The following LEPR variants were observed in gnomAD, a reference collection of about 807,000 sequenced individuals.
The protein encoded by LEPR is OB receptor.
In LEPR, 56 loss-of-function variants were observed where a neutral mutation model predicts 114.7. That is an observed-to-expected ratio of 0.49 (90% CI 0.39 to 0.61). The LOEUF (loss-of-function observed/expected upper bound fraction) is 0.61. Ranked by LOEUF, LEPR falls within the 20% of genes least tolerant of loss-of-function variation. The pLI is 0.00. For missense variants in LEPR, 1,202 were observed against 1,352.9 expected, an observed-to-expected ratio of 0.89 and a Z score of 1.75; for synonymous variants, 443 against 461.4, an observed-to-expected ratio of 0.96 and a Z score of 0.51.
In LEPR at chr1:65,488,107, CTCTT is replaced by C. The variant is rs1202835041; in HGVS notation, c.-21+62748_-21+62751del. Among the ~76,000 whole-genome samples, 1,043 of 121,514 alleles carry C rather than the reference CTCTT, an allele frequency of 8.6e-3. 24 individuals are homozygous for C. The highest frequency in any genetic ancestry group is 0.029 in the African/African-American group (820 of 27,892). 79.7% of individuals were successfully genotyped at this position (121,514 alleles called of 152,430 possible). A position where few individuals can be genotyped will look rare whatever the true frequency, so the allele number is the denominator to read the frequency against. On this transcript the variant is annotated intron_variant, in intron 2 of 19. Transcript: ENST00000349533. ...TCTTCCTTTCTTTCCTTCTTTCTTT[CTCTT>C]TCTTTCTTTCTTTCTTTCCCTCCCT...
intron 2 of LEPR, chr1:65,435,275 T>C: frequency 1.0e-6 from 1 of 985,100 alleles, no homozygotes. Flanking sequence ...GAATACTGTT[T>C]TCAAGGCTGA....
chr1:65,571,749 T>C, intron 4 of LEPR, among the ~76,000 whole-genome samples: 1 of 133,968 alleles, frequency 7.5e-6, no homozygotes, highest in Non-Finnish European at 1.5e-5. Flanking sequence ...AGCTCAGGAG[T>C]TAGAGACCAG....
At chr1:65,451,378 C>T (rs1343500342) in intron 2 of LEPR, among the ~76,000 whole-genome samples, 2 of 151,944 alleles carry the variant, frequency 1.3e-5, no homozygotes, top group Admixed American at 1.3e-4. Flanking sequence ...ATGGTAATGC[C>T]TAGGTTTTCT....
rs1023325187 is a variant in LEPR, at chr1:65,435,017, A to G, written c.-21+9639A>G. ...GACTGCTGCACCTGCGTTTTTAGAG[A>G]ATGCCTCATAACCCACTGATTCTCA... On this transcript the variant is annotated intron_variant, in intron 2 of 19. Coordinates refer to ENST00000349533, the MANE Select transcript of LEPR (RefSeq NM_002303.6). The G allele has an allele frequency of 4.8e-5, 47 of 985,334 alleles. 1 individual carries two copies. The African/African-American group carries it at 7.7e-4, about 16-fold the overall frequency. 61.0% of individuals were successfully genotyped at this position (985,334 alleles called of 1,614,324 possible).
At chr1:65,525,686 C>T in intron 2 of LEPR, 2 of 985,608 alleles carry the variant, frequency 2.0e-6, no homozygotes, top group Non-Finnish European at 2.4e-6. Flanking sequence ...AGAGTTGCCC[C>T]GCACCTTGGG....
At chr1:65,498,125 A>G (rs1430111323) in intron 2 of LEPR, among the ~76,000 whole-genome samples, 3 of 152,098 alleles carry the variant, frequency 2.0e-5, no homozygotes, top group Non-Finnish European at 4.4e-5. Context: ...TTACTTTTTG[A>G]TGAGTTCAGC....
At chr1:65,472,613 TAG>T (rs1442093241) in intron 2 of LEPR, among the ~76,000 whole-genome samples, 45 of 93,550 alleles carry the variant, frequency 4.8e-4, no homozygotes, top group Middle Eastern at 6.7e-3. Context: ...TGTATATATA[TAG>T]ACACACACAC....
In LEPR at chr1:65,427,292, G is replaced by T. The variant is rs758187254; in HGVS notation, c.-21+1914G>T. ...AGATTGAACAGCAGTAAGTGACAGA[G>T]CCCGGCCGTGGTGGCTCATGCCTAT... On this transcript the variant is annotated intron_variant, in intron 2 of 19. Transcript: ENST00000349533. Among the ~76,000 whole-genome samples the T allele has an allele frequency of 5.1e-4, 78 of 152,102 alleles. 1 individual carries two copies. The highest frequency in any genetic ancestry group is 1.6e-4 in the Non-Finnish European group (11 of 68,006).
At chr1:65,429,354 G>A (rs1646442178) in intron 2 of LEPR, among the ~76,000 whole-genome samples, 1 of 152,160 alleles carries the variant, frequency 6.6e-6, no homozygotes, top group Non-Finnish European at 1.5e-5. Flanking sequence ...TGTGGCTACA[G>A]ATTAAGCAAA....
chr1:65,633,146 A>G lies in LEPR; in HGVS notation c.2674-3045A>G. ...TTTCTTATTTTGTTTTATTTTATCT[A>G]AACAGAGAACGGACATTCTTTGAAG... On this transcript the variant is annotated intron_variant, in intron 19 of 19. Coordinates refer to ENST00000349533, the MANE Select transcript of LEPR (RefSeq NM_002303.6). This position sits in a 1 kb window ranked among gnomAD's most constrained non-coding sequence, Gnocchi z 4.1. 1.3e-6 allele frequency: 2 copies of G among 1,575,544 alleles called. No homozygotes were observed.
intron 2 of LEPR, among the ~76,000 whole-genome samples, chr1:65,463,833 T>C (rs1646976470): frequency 6.6e-6 from 1 of 152,192 alleles, no homozygotes; most frequent in Non-Finnish European, 1.5e-5. Context: ...GTGTCTATTA[T>C]TGGTGTGTAG....
intron 2 of LEPR, among the ~76,000 whole-genome samples, chr1:65,537,061 G>C (rs1650829050): frequency 6.6e-6 from 1 of 152,162 alleles, no homozygotes; most frequent in South Asian, 2.1e-4. Flanking sequence ...ATCGGGAATT[G>C]TAAGATGCTA....
At chr1:65,551,796 A>G (rs953195148) in intron 2 of LEPR, among the ~76,000 whole-genome samples, 3 of 151,846 alleles carry the variant, frequency 2.0e-5, no homozygotes, top group African/African-American at 7.3e-5. Context: ...AATTGTGATG[A>G]TAGGGTGTCA....
chr1:65,466,165 G>A (rs577692648), intron 2 of LEPR, among the ~76,000 whole-genome samples: 90 of 152,174 alleles, frequency 5.9e-4, no homozygotes, highest in Admixed American at 2.2e-3. Context: ...GGCTGGTACC[G>A]GTTGTTCCAT....
intron 19 of LEPR, among the ~76,000 whole-genome samples, chr1:65,631,145 T>G (rs1054563712): frequency 1.3e-5 from 2 of 152,144 alleles, no homozygotes; most frequent in Non-Finnish European, 2.9e-5. Context: ...TGCTCTCAGC[T>G]AGCAATATTC....
chr1:65,518,840 T>C (rs187399846), intron 2 of LEPR, among the ~76,000 whole-genome samples: 10 of 149,004 alleles, frequency 6.7e-5, no homozygotes, highest in Admixed American at 2.0e-4. Flanking sequence ...AGCTTTTTTC[T>C]TTTTTCTTTT....
chr1:65,574,579 A>G (rs1291113809), intron 5 of LEPR, among the ~76,000 whole-genome samples: 1 of 152,192 alleles, frequency 6.6e-6, no homozygotes, highest in Non-Finnish European at 1.5e-5. Flanking sequence ...TGGCTGTACC[A>G]CTTACTAAAT....
intron 12 of LEPR, 114 bp downstream of exon 12, chr1:65,609,015 G>A (rs1277987581): frequency 7.5e-7 from 1 of 1,338,152 alleles, no homozygotes; most frequent in African/African-American, 1.5e-5. Flanking sequence ...CTCCTGTATT[G>A]TGTAGCTATT....
At chr1:65,579,355 G>A (rs186210257) in intron 5 of LEPR, among the ~76,000 whole-genome samples, 2 of 152,270 alleles carry the variant, frequency 1.3e-5, no homozygotes, top group East Asian at 3.9e-4. Context: ...GACCCAGCAG[G>A]GAGAGAAAAG....
Sources: gnomAD v4.1 joint callset for allele counts (sites outside exome capture counted in the v4.1 genomes callset) on GRCh38, gnomAD v4.1.1 for gene constraint, Gnocchi (gnomAD v3.1) non-coding constraint, MANE v1.5 for transcripts, NCBI Gene and HGNC (gene_info 2026-07-23, HGNC 2026-07-21) for gene names.